Variants in EP300 observed in about 807,000 individuals in gnomAD.
The protein encoded by EP300 is histone acetyltransferase p300.
Under a neutral mutation model 264.0 loss-of-function variants are expected in EP300, and 31 were observed. The ratio of observed to expected loss-of-function variants is 0.12; its 90% CI spans 0.09 to 0.16. The LOEUF is 0.16. Ranked by LOEUF, EP300 falls within the 10% of genes least tolerant of loss-of-function variation. EP300 has a pLI of 1.00. For synonymous variants in EP300, 1,340 were observed against 1,045.4 expected, an observed-to-expected ratio of 1.28 and a Z score of -5.44; for missense variants, 2,766 against 3,052.9, an observed-to-expected ratio of 0.91 and a Z score of 2.21.
chr22:41,151,596 T>C (rs926933158), intron 14 of EP300, among the ~76,000 whole-genome samples: 2 of 152,192 alleles, frequency 1.3e-5, no homozygotes, highest in Non-Finnish European at 2.9e-5. Flanking sequence ...ATCAATGAAA[T>C]AGTTGCTGGT....
chr22:41,163,186 A>G (rs1368208149), intron 21 of EP300, among the ~76,000 whole-genome samples: 1 of 152,132 alleles, frequency 6.6e-6, no homozygotes, highest in East Asian at 1.9e-4. Context: ...CTGTAATCCC[A>G]GCACTTTGGG....
chr22:41,150,244 T>A (rs761832389), intron 14 of EP300, 46 bp downstream of exon 14: 3 of 1,536,062 alleles, frequency 2.0e-6, no homozygotes, highest in Non-Finnish European at 2.6e-6. Flanking sequence ...AGCTATACTG[T>A]AGTATTATAT....
chr22:41,114,870 T>C (rs1048467106), intron 1 of EP300, among the ~76,000 whole-genome samples: 1 of 151,710 alleles, frequency 6.6e-6, no homozygotes, highest in Non-Finnish European at 1.5e-5. Flanking sequence ...CAGGAAGAGT[T>C]ATACTTAGGA....
intron 4 of EP300, 141 bp downstream of exon 4, chr22:41,127,889 C>T: frequency 8.9e-7 from 1 of 1,125,160 alleles, no homozygotes. Flanking sequence ...TACAAAGTCA[C>T]CAAAATGTAT....
At chr22:41,121,899 A>G (rs1983674) in intron 2 of EP300, among the ~76,000 whole-genome samples, 147,149 of 152,244 alleles carry the variant, frequency 0.97, 71,333 homozygotes, top group East Asian at 1. Context: ...TTCATACTAT[A>G]TCTATCATGA....
At chr22:41,162,088 G>A (rs2059111575) in intron 20 of EP300, among the ~76,000 whole-genome samples, 2 of 152,200 alleles carry the variant, frequency 1.3e-5, no homozygotes, top group Admixed American at 1.3e-4. Flanking sequence ...CTGCAGGCCT[G>A]TAGTGGATCC....
At chr22:41,168,665 G>T (rs2145763121) in intron 24 of EP300, 56 bp from the exon 25 acceptor site, 1 of 1,614,164 alleles carries the variant, frequency 6.2e-7, no homozygotes, top group Non-Finnish European at 8.5e-7. Context: ...GTTACTATTG[G>T]TGATTCCAGT....
intron 8 of EP300, 47 bp from the exon 9 acceptor site, chr22:41,140,093 A>T (rs755619541): frequency 1.5e-6 from 2 of 1,365,858 alleles, no homozygotes; most frequent in Middle Eastern, 1.8e-4. Flanking sequence ...AAAAATACTA[A>T]TTAAATGCTG....
At position 41,117,751 on chromosome 22, in the gene EP300, C is replaced by T. The variant is rs1601598539; in HGVS notation, c.659C>T (p.Thr220Ile). The T allele has an allele frequency of 3.7e-6, 6 of 1,614,122 alleles. No individual in the cohort carries two copies. The highest frequency in any genetic ancestry group is 2.5e-6 in the Non-Finnish European group (3 of 1,180,054). ...PGMGSAGNLLTEPLQQGSPQM... is the reference protein window; with the variant it reads ...PGMGSAGNLLIEPLQQGSPQM... Reference sequence around the variant, plus strand: ...ATGGGAAGTGCTGGCAACTTACTGACTGAGCCTCTTCAGCAGGGCTCTCCC... The same window carrying T: ...ATGGGAAGTGCTGGCAACTTACTGATTGAGCCTCTTCAGCAGGGCTCTCCC... Residue 220 changes from threonine to isoleucine, a missense_variant, in exon 2 of 31, where the codon ACT becomes ATT. Physicochemically the swap from Thr to Ile is moderately conservative, Grantham distance 89 (BLOSUM62 -1). Transcript: ENST00000263253.
chr22:41,101,539 G>A (rs1218163386), intron 1 of EP300, among the ~76,000 whole-genome samples: 2 of 151,324 alleles, frequency 1.3e-5, no homozygotes, highest in African/African-American at 2.4e-5. Flanking sequence ...AGCCTCCCTA[G>A]TGGCTGGGAC....
In EP300 at chr22:41,152,051, C is replaced by G. The variant is rs755911823; in HGVS notation, c.2997+39C>G. ...AATTACTGTTTGATTTGGTTAGGAC[C>G]TCAGTATAGGAACCCAAGTTTTAAA... On this transcript the variant is annotated intron_variant, in intron 15 of 30. Coordinates refer to ENST00000263253, the MANE Select transcript of EP300 (RefSeq NM_001429.4). 5.3e-5 allele frequency: 86 copies of G among 1,610,834 alleles called. 2 individuals carry two copies. The South Asian group carries it at 8.9e-4, about 17-fold the overall frequency.
chr22:41,155,964 G>A (rs2059074307), intron 17 of EP300, among the ~76,000 whole-genome samples: 2 of 152,000 alleles, frequency 1.3e-5, no homozygotes, highest in Non-Finnish European at 2.9e-5. Context: ...TTACCTAGGA[G>A]TGGAATTCCT....
At chr22:41,140,355 C>A in intron 9 of EP300, 98 bp downstream of exon 9, 1 of 849,698 alleles carries the variant, frequency 1.2e-6, no homozygotes, top group Non-Finnish European at 2.1e-6. Context: ...ATGCTTCAGA[C>A]GGGGGACACG....
chr22:41,176,465 T>C lies in EP300; in HGVS notation c.4998T>C (p.Phe1666=). Residue 1666 remains phenylalanine (F), a synonymous_variant, in exon 30 of 31, where the codon TTT becomes TTC. Coordinates refer to ENST00000263253, the MANE Select transcript of EP300 (RefSeq NM_001429.4). The part of the protein sequence containing the change: ...VELHTQSQDR[F]VYTCNECKHH... ...TGCACACGCAGAGCCAGGACCGCTT[T>C]GTCTACACCTGCAATGAATGCAAGC... 6.2e-7 allele frequency: 1 copy of C among 1,614,218 alleles called. No individual in the cohort carries two copies. Among genetic ancestry groups the C allele is most frequent in the Admixed American group, 1.7e-5 (1 of 60,030 alleles).
rs527834048 is a variant in EP300 at position 41,170,885 on chromosome 22, G to A, written c.4452+314G>A. On this transcript the variant is annotated intron_variant, in intron 27 of 30. Coordinates refer to ENST00000263253, the MANE Select transcript of EP300 (RefSeq NM_001429.4). ...TCACCGTGTTAGCCAGGATGGTCTC[G>A]ATCTCCTGACCTTGTGATCCGCCCG... Among the ~76,000 whole-genome samples the A allele has an allele frequency of 7.3e-5, 11 of 150,594 alleles. No individual in the cohort carries two copies. In the East Asian group the frequency reaches 7.8e-4, roughly 11 times the overall value.
chr22:41,167,826 GTTT>G (rs1192332279), intron 23 of EP300, among the ~76,000 whole-genome samples: 10 of 32,182 alleles, frequency 3.1e-4, no homozygotes, highest in Admixed American at 1.1e-3. Context: ...TTTTTTTTTT[GTTT>G]TTTTTTTTTT....
intron 17 of EP300, among the ~76,000 whole-genome samples, chr22:41,156,077 T>C (rs1242183612): frequency 1.3e-5 from 2 of 152,088 alleles, no homozygotes; most frequent in African/African-American, 4.8e-5. Context: ...AATGGCGCAA[T>C]CTCAGTTCAC....
At chr22:41,117,105 A>G in intron 1 of EP300, 82 bp from the exon 2 acceptor site, 1 of 1,177,142 alleles carries the variant, frequency 8.5e-7, no homozygotes, top group East Asian at 2.4e-5. Flanking sequence ...ATGACATTTA[A>G]TGCTTATTGA....
In EP300 at chr22:41,126,057, T is replaced by G. The variant is rs746322809; in HGVS notation, c.906+17T>G. ...CCCAACATGGTGAGTACTAATCCAT[T>G]ACAGACTTGTTTTCAAACTGGCATT... On this transcript the variant is annotated intron_variant, in intron 3 of 30. Coordinates refer to ENST00000263253, the MANE Select transcript of EP300 (RefSeq NM_001429.4). 16 of 1,612,968 alleles carry G rather than the reference T, an allele frequency of 9.9e-6. No individual in the cohort carries two copies. The highest frequency in any genetic ancestry group is 1.7e-6 in the Non-Finnish European group (2 of 1,179,102).
Sources: allele counts gnomAD v4.1 joint callset (sites outside exome capture counted in the v4.1 genomes callset), GRCh38; gene constraint gnomAD v4.1.1; transcripts MANE v1.5; gene names NCBI Gene and HGNC (gene_info 2026-07-23, HGNC 2026-07-21).